Variants in STRN3 observed in about 807,000 individuals in gnomAD.
STRN3 encodes the protein striatin 3.
Under a neutral mutation model 95.6 loss-of-function variants are expected in STRN3, and 29 were observed. That is an observed-to-expected ratio of 0.30 (90% CI 0.23 to 0.41). STRN3 has a LOEUF of 0.41. STRN3 is among the 10% of genes least tolerant of loss of function. The probability of loss-of-function intolerance (pLI) is 1.00; values close to 1 mark genes in which losing one functional copy is unlikely to be tolerated. For synonymous variants in STRN3, 331 were observed against 357.6 expected (o/e 0.93, Z 0.84); for missense variants, 890 against 972.1 (o/e 0.92, Z 1.12).
chr14:30,968,052 T>C (rs1880622445), intron 1 of STRN3, among the ~76,000 whole-genome samples: 1 of 152,130 alleles, frequency 6.6e-6, no homozygotes, highest in Non-Finnish European at 1.5e-5. Context: ...CTTAAAGTAC[T>C]TACAAAACTA....
At chr14:30,993,196 A>G (rs1882042519) in intron 1 of STRN3, among the ~76,000 whole-genome samples, 1 of 150,440 alleles carries the variant, frequency 6.6e-6, no homozygotes, top group Admixed American at 6.7e-5. Context: ...TTGAGGTTGC[A>G]GTGAGCTATG....
At chr14:30,948,329 G>C (rs1333019253) in intron 4 of STRN3, among the ~76,000 whole-genome samples, 2 of 152,156 alleles carry the variant, frequency 1.3e-5, no homozygotes, top group Admixed American at 1.3e-4. Flanking sequence ...GAAGAGACTG[G>C]CCTGGGTATA....
At chr14:30,916,527 G>A (rs1967699) in intron 9 of STRN3, among the ~76,000 whole-genome samples, 57,242 of 151,764 alleles carry the variant, frequency 0.38, 11,443 homozygotes, top group East Asian at 0.45. Flanking sequence ...CACCAGTCTC[G>A]GCCTCCCAAA....
intron 1 of STRN3, among the ~76,000 whole-genome samples, chr14:31,005,431 G>C (rs547082598): frequency 2.9e-4 from 44 of 152,298 alleles, no homozygotes; most frequent in African/African-American, 1.1e-3. Flanking sequence ...CCTTACATAA[G>C]GTAAACATAG....
chr14:30,917,626 T>C (rs866613826), intron 9 of STRN3, among the ~76,000 whole-genome samples: 13 of 152,074 alleles, frequency 8.5e-5, no homozygotes, highest in African/African-American at 2.9e-4. Context: ...TATATCTCAA[T>C]AGTGGAAATG....
At chr14:31,021,580 T>C (rs1289748667) in intron 1 of STRN3, among the ~76,000 whole-genome samples, 1 of 152,018 alleles carries the variant, frequency 6.6e-6, no homozygotes, top group Non-Finnish European at 1.5e-5. Context: ...AGTGAGAACA[T>C]AAAATAGAAC....
chr14:30,927,161 A>G (rs2139042015), intron 8 of STRN3, among the ~76,000 whole-genome samples: 1 of 152,274 alleles, frequency 6.6e-6, no homozygotes, highest in African/African-American at 2.4e-5. Flanking sequence ...TAAAAATAAA[A>G]TATTAGCCAG....
chr14:31,025,856 C>G, intron 1 of STRN3, 48 bp downstream of exon 1: 1 of 1,568,712 alleles, frequency 6.4e-7, no homozygotes. Context: ...ACCCCCCGGC[C>G]GGGAACCCAG....
intron 1 of STRN3, among the ~76,000 whole-genome samples, chr14:30,974,973 T>C (rs1239838645): frequency 6.6e-6 from 1 of 151,270 alleles, no homozygotes; most frequent in African/African-American, 2.4e-5. Flanking sequence ...TAATGTGAAG[T>C]ATGCCTACAC....
rs1185917095 is a variant in STRN3 at position 31,026,291 on chromosome 14, A to G, written c.-106T>C. On this transcript the variant is annotated 5_prime_UTR_variant, in exon 1 of 18. Transcript: ENST00000357479. ...CTGCGGGGCGGAGGCCGGCCGGGAG[A>G]GGGGCGGGGAAGGGGTCGTTGCTGT... The G allele has an allele frequency of 8.1e-7, 1 of 1,231,172 alleles. No individual in the cohort carries two copies. The highest frequency in any genetic ancestry group is 1.0e-6 in the Non-Finnish European group (1 of 956,618). The allele number at this position is 1,231,172 out of a possible 1,614,324, so 76.3% of individuals were successfully genotyped here. A position where few individuals can be genotyped will look rare whatever the true frequency, so the allele number is the denominator to read the frequency against.
At chr14:31,017,489 A>C (rs1179719856) in intron 1 of STRN3, among the ~76,000 whole-genome samples, 1 of 150,324 alleles carries the variant, frequency 6.7e-6, no homozygotes, top group Non-Finnish European at 1.5e-5. Flanking sequence ...ACGCAGCGAG[A>C]CTCCGTCTCA....
chr14:30,932,990 G>A (rs144175925), intron 7 of STRN3, among the ~76,000 whole-genome samples: 5 of 152,040 alleles, frequency 3.3e-5, no homozygotes, highest in African/African-American at 9.6e-5. Context: ...TAAAAATGAT[G>A]CTGACTGGGC....
At chr14:30,950,766 C>T (rs1879598503) in intron 4 of STRN3, 97 bp downstream of exon 4, 1 of 1,142,258 alleles carries the variant, frequency 8.8e-7, no homozygotes, top group Admixed American at 2.1e-5. Context: ...AAAACATACA[C>T]ATTGTCCCAA....
chr14:30,933,109 T>C (rs1359049000), intron 7 of STRN3, among the ~76,000 whole-genome samples: 1 of 148,162 alleles, frequency 6.7e-6, no homozygotes, highest in Non-Finnish European at 1.5e-5. Flanking sequence ...ACTCCGTCTC[T>C]ACAAAAAAAA....
At chr14:30,938,434 AT>A (rs563679223) in intron 5 of STRN3, among the ~76,000 whole-genome samples, 102 of 152,218 alleles carry the variant, frequency 6.7e-4, no homozygotes, top group African/African-American at 2.1e-3. Flanking sequence ...ATTTAAAAGA[AT>A]TTTTTTTAAA....
At chr14:30,908,190 AT>A (rs1300132756) in intron 13 of STRN3, among the ~76,000 whole-genome samples, 5 of 152,136 alleles carry the variant, frequency 3.3e-5, no homozygotes, top group Non-Finnish European at 7.3e-5. Context: ...CCTTGGAATC[AT>A]TACCATAGTG....
intron 5 of STRN3, among the ~76,000 whole-genome samples, chr14:30,943,321 G>A (rs1240997395): frequency 1.3e-5 from 2 of 152,196 alleles, no homozygotes. Context: ...AGTGGCTCAT[G>A]CCTATAATCT....
intron 9 of STRN3, among the ~76,000 whole-genome samples, chr14:30,914,316 G>A (rs1896680782): frequency 6.6e-6 from 1 of 152,072 alleles, no homozygotes; most frequent in Admixed American, 6.5e-5. Context: ...TTCTATAAAA[G>A]GTTAATCCAC....
chr14:30,982,098 C>CA (rs11451891), intron 1 of STRN3, among the ~76,000 whole-genome samples: 14,256 of 75,336 alleles, frequency 0.19, 2,529 homozygotes, highest in East Asian at 0.3. Context: ...CTCTGTCTCA[C>CA]AAAAAAAAAA....
Sources: allele counts gnomAD v4.1 joint callset (sites outside exome capture counted in the v4.1 genomes callset), GRCh38; gene constraint gnomAD v4.1.1; transcripts MANE v1.5; gene names NCBI Gene and HGNC (gene_info 2026-07-23, HGNC 2026-07-21).